PHKB: variants seen among roughly 807,000 people sequenced by gnomAD.
The protein encoded by PHKB is phosphorylase kinase regulatory subunit beta.
A neutral mutation model predicts 152.1 loss-of-function variants in PHKB; 122 were observed. The ratio of observed to expected loss-of-function variants is 0.80; its 90% CI spans 0.69 to 0.93. PHKB has a LOEUF of 0.93. Among genes scored for constraint, PHKB ranks in the 40% least tolerant of loss-of-function variants. PHKB has a pLI of 0.00. For missense variants in PHKB, 1,304 were observed against 1,328.4 expected (o/e 0.98, Z 0.29); for synonymous variants, 436 against 464.9 (o/e 0.94, Z 0.80).
intron 7 of PHKB, chr16:47,566,535 A>G: frequency 6.3e-7 from 1 of 1,599,332 alleles, no homozygotes; most frequent in South Asian, 1.1e-5. Context: ...CACTGCACTG[A>G]TATTTAGTCC....
At chr16:47,470,146 G>C (rs1969739379) in intron 1 of PHKB, among the ~76,000 whole-genome samples, 3 of 152,206 alleles carry the variant, frequency 2.0e-5, no homozygotes, top group Admixed American at 1.3e-4. Flanking sequence ...AAATACAGAG[G>C]TGTGAAGTGG....
rs532667132 is a variant in PHKB at position 47,661,857 on chromosome 16, T to C, written c.2278+57T>C. The C allele has an allele frequency of 5.9e-6, 6 of 1,011,768 alleles. No homozygotes were observed. In the South Asian group the frequency reaches 6.3e-5, roughly 11 times the overall value. 62.7% of individuals were successfully genotyped at this position (1,011,768 alleles called of 1,614,324 possible). On this transcript the variant is annotated intron_variant, in intron 23 of 30. Coordinates refer to ENST00000323584, the MANE Select transcript of PHKB (RefSeq NM_000293.3). Reference sequence around the variant, plus strand: ...GAGGACCTCTCTAGCCTTGAACATATATCAAATATGCATAAGCTATCCACT... The same window carrying C: ...GAGGACCTCTCTAGCCTTGAACATACATCAAATATGCATAAGCTATCCACT...
At chr16:47,603,396 A>G (rs1354246494) in intron 13 of PHKB, among the ~76,000 whole-genome samples, 1 of 151,998 alleles carries the variant, frequency 6.6e-6, no homozygotes, top group Non-Finnish European at 1.5e-5. Context: ...CTAAAGTGGG[A>G]TTTCTGTGCA....
chr16:47,648,661 C>A (rs773333425), intron 17 of PHKB, 45 bp downstream of exon 17: 1 of 1,212,502 alleles, frequency 8.2e-7, no homozygotes, highest in Admixed American at 1.7e-5. Flanking sequence ...GATTCTAATA[C>A]CGCATACTGA....
intron 10 of PHKB, among the ~76,000 whole-genome samples, chr16:47,591,314 C>G (rs1411932584): frequency 6.6e-6 from 1 of 152,152 alleles, no homozygotes; most frequent in Non-Finnish European, 1.5e-5. Context: ...CTTGGTGTCT[C>G]CTTGTTTACA....
At chr16:47,662,791 G>T (rs1223898032) in intron 23 of PHKB, among the ~76,000 whole-genome samples, 1 of 152,022 alleles carries the variant, frequency 6.6e-6, no homozygotes, top group East Asian at 1.9e-4. Flanking sequence ...ATTGAAATTT[G>T]CACTTTATCT....
chr16:47,541,127 C>T (rs1161588341), intron 6 of PHKB, among the ~76,000 whole-genome samples: 1 of 152,074 alleles, frequency 6.6e-6, no homozygotes, highest in Admixed American at 6.5e-5. Flanking sequence ...GGTATTTCTC[C>T]TAATGCTACC....
rs9934849 is a variant in PHKB at position 47,669,246 on chromosome 16, A to T, written c.2459A>T (p.Glu820Val). The part of the protein sequence containing the change: ...VTLGAFGHEE[E>V]VISNPLSPRV... ...CTGGGTGCCTTTGGGCATGAAGAAG[A>T]AGTTATCTCTAATCCTTTGTCTCCA... The change falls in exon 26 of 31, where the codon GAA (glutamate) becomes GTA (valine). Residue 820 changes from glutamate (E) to valine (V), a missense_variant. Glu to Val is a moderately radical substitution (Grantham distance 121). Transcript: ENST00000323584. 1,227 of 1,613,934 alleles carry T rather than the reference A, an allele frequency of 7.6e-4. 9 individuals are homozygous for T. In the African/African-American group the frequency reaches 0.014, roughly 19 times the overall value.
chr16:47,629,257 T>A (rs922270043), intron 14 of PHKB, among the ~76,000 whole-genome samples: 1 of 150,938 alleles, frequency 6.6e-6, no homozygotes, highest in African/African-American at 2.4e-5. Context: ...TGGGAGAAAA[T>A]TTTCACAACC....
intron 10 of PHKB, among the ~76,000 whole-genome samples, chr16:47,590,043 G>A (rs1972001404): frequency 6.6e-6 from 1 of 152,100 alleles, no homozygotes; most frequent in South Asian, 2.1e-4. Context: ...GCCCTCCTAG[G>A]CCTCCTAAAG....
chr16:47,566,080 C>T (rs1414429349), intron 7 of PHKB: 1 of 658,500 alleles, frequency 1.5e-6, no homozygotes, highest in Non-Finnish European at 2.7e-6. Context: ...GCTTTTTTGC[C>T]ATTGCCTATC....
At chr16:47,479,528 G>A (rs1243529872) in intron 1 of PHKB, among the ~76,000 whole-genome samples, 1 of 150,658 alleles carries the variant, frequency 6.6e-6, no homozygotes, top group African/African-American at 2.4e-5. Flanking sequence ...TTCAGATCCA[G>A]TTAAGCGGGT....
At chr16:47,652,383 T>TC (rs2151732434) in intron 20 of PHKB, among the ~76,000 whole-genome samples, 1 of 150,344 alleles carries the variant, frequency 6.7e-6, no homozygotes, top group East Asian at 2.0e-4. Context: ...AGTGGTCTTT[T>TC]TTTTTTTTTT....
chr16:47,588,755 G>T, intron 9 of PHKB, 150 bp from the exon 10 acceptor site: 1 of 705,644 alleles, frequency 1.4e-6, no homozygotes, highest in East Asian at 2.7e-5. Context: ...CCTGGAACAT[G>T]CCATAGAAAC....
chr16:47,660,968 G>A lies in PHKB; in HGVS notation c.2196+149G>A, dbSNP rs938707647. On this transcript the variant is annotated intron_variant, in intron 22 of 30. Coordinates refer to ENST00000323584, the MANE Select transcript of PHKB (RefSeq NM_000293.3). ...TTGTCTACTCCCAGGGCAATCATGA[G>A]AAGTTGTTCTCTTGGTCTAACATCT... is the stretch of plus-strand genomic sequence containing the variant. The A allele has an allele frequency of 4.9e-5, 39 of 791,822 alleles. No individual in the cohort carries two copies. The African/African-American group carries it at 6.2e-4, about 13-fold the overall frequency. 49.0% of individuals were successfully genotyped at this position (791,822 alleles called of 1,614,324 possible).
intron 7 of PHKB, among the ~76,000 whole-genome samples, chr16:47,556,080 A>G (rs1219738545): frequency 1.3e-5 from 2 of 152,060 alleles, no homozygotes; most frequent in African/African-American, 4.8e-5. Flanking sequence ...TTTGTCTGTT[A>G]TTGGTGTCTA....
chr16:47,693,056 C>T (rs897822159), intron 27 of PHKB, among the ~76,000 whole-genome samples: 1 of 152,108 alleles, frequency 6.6e-6, no homozygotes, highest in African/African-American at 2.4e-5. Context: ...TTATGAAATT[C>T]ACAGCTGCTG....
chr16:47,587,581 T>G (rs921703748), intron 8 of PHKB, 87 bp from the exon 9 acceptor site: 13 of 890,616 alleles, frequency 1.5e-5, no homozygotes, highest in Admixed American at 5.7e-5. Flanking sequence ...ATGTCAGTAT[T>G]TTTGTGAAGT....
At chr16:47,628,901 T>C (rs1972763957) in intron 14 of PHKB, among the ~76,000 whole-genome samples, 1 of 151,922 alleles carries the variant, frequency 6.6e-6, no homozygotes, top group African/African-American at 2.4e-5. Context: ...TTGACAAACC[T>C]GAGAAAAACA....
Sources: gnomAD v4.1 joint callset for allele counts (sites outside exome capture counted in the v4.1 genomes callset) on GRCh38, gnomAD v4.1.1 for gene constraint, MANE v1.5 for transcripts, NCBI Gene and HGNC (gene_info 2026-07-23, HGNC 2026-07-21) for gene names.